The following VPS13B variants were observed in gnomAD, a reference collection of about 807,000 sequenced individuals.
VPS13B encodes vacuolar protein sorting 13 homolog B, also known as intermembrane lipid transfer protein VPS13B.
In VPS13B, 285 loss-of-function variants were observed where a neutral mutation model predicts 426.4. The observed-to-expected ratio is 0.67, with a 90% CI of 0.61 to 0.74. The LOEUF (loss-of-function observed/expected upper bound fraction) is 0.74. Ranked by LOEUF, VPS13B falls within the 30% of genes least tolerant of loss-of-function variation. VPS13B has a pLI of 0.00. For synonymous variants in VPS13B, 1,676 were observed against 1,676.4 expected, an observed-to-expected ratio of 1.00 and a Z score of 0.01; for missense variants, 4,537 against 4,782.6, an observed-to-expected ratio of 0.95 and a Z score of 1.51.
At chr8:99,061,296 C>CTTTTTTTTTT (rs36037937) in intron 3 of VPS13B, among the ~76,000 whole-genome samples, 1 of 112,940 alleles carries the variant, frequency 8.9e-6, no homozygotes, top group Non-Finnish European at 1.8e-5. Flanking sequence ...TGCTAATTTT[C>CTTTTTTTTTT]TTTTTTTTTT....
intron 37 of VPS13B, among the ~76,000 whole-genome samples, chr8:99,719,227 A>T (rs986476273): frequency 6.6e-6 from 1 of 152,240 alleles, no homozygotes; most frequent in East Asian, 1.9e-4. Context: ...AAAAATAAAA[A>T]GTAAGAAAAT....
At chr8:99,661,324 A>G in intron 34 of VPS13B, 30 bp from the exon 35 acceptor site, 1 of 1,612,894 alleles carries the variant, frequency 6.2e-7, no homozygotes, top group Non-Finnish European at 8.5e-7. Context: ...GATGTAACTG[A>G]TGTTTTTAAT....
At chr8:99,472,758 TCAA>T (rs1302403903) in intron 24 of VPS13B, among the ~76,000 whole-genome samples, 3 of 151,564 alleles carry the variant, frequency 2.0e-5, no homozygotes, top group Admixed American at 2.0e-4. Context: ...TTTTAAAAGA[TCAA>T]CAAAATTGAC....
intron 4 of VPS13B, among the ~76,000 whole-genome samples, chr8:99,100,019 C>G (rs1846641568): frequency 6.6e-6 from 1 of 152,064 alleles, no homozygotes; most frequent in Non-Finnish European, 1.5e-5. Flanking sequence ...CAGGGAGTCT[C>G]TAAGTATGGA....
intron 23 of VPS13B, among the ~76,000 whole-genome samples, chr8:99,454,583 G>A (rs1200491999): frequency 6.6e-6 from 1 of 152,146 alleles, no homozygotes; most frequent in Non-Finnish European, 1.5e-5. Context: ...TTTAAATAAA[G>A]CCGCTATATA....
At chr8:99,786,013 T>C (rs1056025706) in intron 43 of VPS13B, among the ~76,000 whole-genome samples, 1 of 152,186 alleles carries the variant, frequency 6.6e-6, no homozygotes, top group Non-Finnish European at 1.5e-5. Context: ...TCTCCAGTCA[T>C]TTGAAGATGC....
intron 22 of VPS13B, among the ~76,000 whole-genome samples, chr8:99,434,915 G>A (rs1817293542): frequency 6.6e-6 from 1 of 152,088 alleles, no homozygotes; most frequent in Non-Finnish European, 1.5e-5. Context: ...TTTGTACAGT[G>A]GTAACATCCA....
chr8:99,605,050 TAA>T (rs1459733632), intron 33 of VPS13B, among the ~76,000 whole-genome samples: 2 of 152,372 alleles, frequency 1.3e-5, no homozygotes, highest in East Asian at 3.9e-4. Context: ...CAGGCATTTC[TAA>T]GTCTTTCAGA....
chr8:99,326,658 G>A (rs1475597527), intron 19 of VPS13B, among the ~76,000 whole-genome samples: 1 of 151,256 alleles, frequency 6.6e-6, no homozygotes, highest in Non-Finnish European at 1.5e-5. Flanking sequence ...CTCAGCCTCC[G>A]AAAGTGCTGG....
intron 17 of VPS13B, among the ~76,000 whole-genome samples, chr8:99,211,338 A>G (rs1395543511): frequency 1.3e-5 from 2 of 152,126 alleles, no homozygotes; most frequent in African/African-American, 4.8e-5. Context: ...CTTCTTGCAT[A>G]TCTTCTACCA....
At chr8:99,403,251 A>T (rs948832882) in intron 21 of VPS13B, among the ~76,000 whole-genome samples, 4 of 152,132 alleles carry the variant, frequency 2.6e-5, no homozygotes, top group Non-Finnish European at 5.9e-5. Context: ...ATTCTCTATG[A>T]TCAAAGAAAA....
intron 34 of VPS13B, among the ~76,000 whole-genome samples, chr8:99,649,997 G>A (rs1290110371): frequency 1.3e-5 from 2 of 152,136 alleles, no homozygotes; most frequent in African/African-American, 4.8e-5. Flanking sequence ...TGCTTTTTGT[G>A]TCTTTTACAA....
At chr8:99,556,206 C>A (rs1168117672) in intron 30 of VPS13B, among the ~76,000 whole-genome samples, 2 of 151,962 alleles carry the variant, frequency 1.3e-5, no homozygotes, top group African/African-American at 4.8e-5. Context: ...AGTAACGTGC[C>A]AGGAATAACA....
chr8:99,735,594 C>G (rs1462660906), intron 39 of VPS13B, among the ~76,000 whole-genome samples: 1 of 152,156 alleles, frequency 6.6e-6, no homozygotes, highest in Non-Finnish European at 1.5e-5. Context: ...TATGGCCCTA[C>G]TGACACCTCA....
At chr8:99,205,289 G>T (rs1304517307) in intron 17 of VPS13B, among the ~76,000 whole-genome samples, 1 of 152,108 alleles carries the variant, frequency 6.6e-6, no homozygotes. Context: ...TCACTCATAA[G>T]TTGGAGCTGA....
chr8:99,374,277 CT>C (rs1407859842), intron 19 of VPS13B, among the ~76,000 whole-genome samples: 1 of 150,768 alleles, frequency 6.6e-6, no homozygotes, highest in Admixed American at 6.6e-5. Flanking sequence ...GTTTGCTGAG[CT>C]TTTTTAATCT....
At chr8:99,072,373 T>C (rs1377257818) in intron 3 of VPS13B, among the ~76,000 whole-genome samples, 1 of 152,182 alleles carries the variant, frequency 6.6e-6, no homozygotes, top group South Asian at 2.1e-4. Flanking sequence ...AGCAATGTTA[T>C]CTGGCAGCTA....
At chr8:99,853,087 C>T (rs1335183121) in intron 55 of VPS13B, among the ~76,000 whole-genome samples, 1 of 152,110 alleles carries the variant, frequency 6.6e-6, no homozygotes, top group African/African-American at 2.4e-5. Context: ...GCTCACATCA[C>T]TTTTTCAATT....
At chr8:99,438,034 CT>C (rs746500253) in intron 22 of VPS13B, among the ~76,000 whole-genome samples, 3,697 of 120,560 alleles carry the variant, frequency 0.031, 72 homozygotes, top group African/African-American at 0.082. Context: ...TTCTTTTCCT[CT>C]TTTTTTTTTT....
Sources: allele counts gnomAD v4.1 joint callset (sites outside exome capture counted in the v4.1 genomes callset), GRCh38; gene constraint gnomAD v4.1.1; transcripts MANE v1.5; gene names NCBI Gene and HGNC (gene_info 2026-07-23, HGNC 2026-07-21).